The following MED4 variants were observed in gnomAD, a reference collection of about 807,000 sequenced individuals.
The protein encoded by MED4 is mediator of RNA polymerase II transcription subunit 4.
MED4 carries 21 observed loss-of-function variants against 35.0 expected under a neutral mutation model. The ratio of observed to expected loss-of-function variants is 0.60; its 90% CI spans 0.43 to 0.86. The LOEUF is 0.86. MED4 is among the 40% of genes least tolerant of loss of function. MED4 has a pLI of 0.00. For synonymous variants in MED4, 138 were observed against 114.0 expected (o/e 1.21, Z -1.34); for missense variants, 300 against 319.4 (o/e 0.94, Z 0.46).
Position 48,076,084 on chromosome 13 carries a change from A to G in MED4, c.*1055T>C, listed in dbSNP as rs1344819303. 6.6e-6 allele frequency: 1 copy of G among 152,236 alleles called. No homozygotes were observed. Among genetic ancestry groups the G allele is most frequent in the Non-Finnish European group, 1.5e-5 (1 of 68,032 alleles). 9.4% of individuals were successfully genotyped at this position (152,236 alleles called of 1,614,324 possible). A position where few individuals can be genotyped will look rare whatever the true frequency, so the allele number is the denominator to read the frequency against. ...GTGTATGTGAACTTTAAAAAAATCT[A>G]CACTACAATATGAATTGATATTATC... On this transcript the variant is annotated 3_prime_UTR_variant, in exon 7 of 7. Coordinates refer to ENST00000258648, the MANE Select transcript of MED4 (RefSeq NM_014166.4).
At chr13:48,079,454 C>T (rs1485447479) in intron 6 of MED4, among the ~76,000 whole-genome samples, 1 of 152,116 alleles carries the variant, frequency 6.6e-6, no homozygotes, top group Admixed American at 6.6e-5. Context: ...TGAACTGGGT[C>T]TGAGAGGCAG....
Position 48,083,396 on chromosome 13 carries a change from G to A in MED4, c.396C>T (p.Leu132=). 6.2e-7 allele frequency: 1 copy of A among 1,612,766 alleles called. No homozygotes were observed. Among genetic ancestry groups the A allele is most frequent in the South Asian group, 1.1e-5 (1 of 90,902 alleles). The change falls in exon 4 of 7, where the codon CTC becomes CTT. Residue 132 remains leucine (L), a synonymous_variant. Transcript: ENST00000258648. ...ATAVYQAKEK[L]KSIEKARKGA... ...CTTTTCTTGCTTTTTCTATTGACTT[G>A]AGTTTCTCCTTCGCTTGGTAAACAG...
chr13:48,081,715 T>C lies in MED4; in HGVS notation c.438A>G (p.Glu146=), dbSNP rs1308805042. Residue 146 remains glutamate (E), a synonymous_variant, in exon 5 of 7, where the codon GAA becomes GAG. Transcript: ENST00000258648. Reference sequence around the variant, plus strand: ...TCCTATGTGCATACTTAATTATTTCTTCAGAGGAGATAGCACCTGAAAGAG... The same window carrying C: ...TCCTATGTGCATACTTAATTATTTCCTCAGAGGAGATAGCACCTGAAAGAG... The part of the protein sequence containing the change: ...EKARKGAISS[E]EIIKYAHRIS... The C allele has an allele frequency of 1.9e-6, 3 of 1,610,758 alleles. No individual in the cohort carries two copies. Among genetic ancestry groups the C allele is most frequent in the East Asian group, 2.2e-5 (1 of 44,728 alleles).
intron 4 of MED4, among the ~76,000 whole-genome samples, chr13:48,082,410 G>A (rs1162446218): frequency 6.6e-6 from 1 of 152,162 alleles, no homozygotes. Flanking sequence ...AAGTGTATGT[G>A]TGTACAGTTT....
chr13:48,086,372 A>G lies in MED4; in HGVS notation c.273T>C (p.His91=), dbSNP rs904028904. The G allele has an allele frequency of 6.2e-7, 1 of 1,613,350 alleles. No individual in the cohort carries two copies. The highest frequency in any genetic ancestry group is 1.3e-5 in the African/African-American group (1 of 74,776). ...KLALNQGKIH[H]EMQVLEKEVE... ...CTTCTTTTTCTAAAACTTGCATTTC[A>G]TGATGAATTTTTCCCTGATTAAGTG... The change falls in exon 3 of 7, where the codon CAT becomes CAC. Residue 91 remains histidine (H), a synonymous_variant. Transcript: ENST00000258648.
chr13:48,092,808 G>A (rs1265889705), intron 1 of MED4, among the ~76,000 whole-genome samples: 1 of 152,214 alleles, frequency 6.6e-6, no homozygotes, highest in Non-Finnish European at 1.5e-5. Context: ...GGTGGGGCAG[G>A]AGTGGTGCTG....
chr13:48,080,414 A>G (rs796309858), intron 5 of MED4, among the ~76,000 whole-genome samples: 10 of 150,664 alleles, frequency 6.6e-5, no homozygotes, highest in East Asian at 3.9e-4. Flanking sequence ...AAAAAAAAAA[A>G]AAAAGAAAGA....
At chr13:48,084,592 G>A (rs1950836017) in intron 3 of MED4, among the ~76,000 whole-genome samples, 1 of 152,100 alleles carries the variant, frequency 6.6e-6, no homozygotes, top group Admixed American at 6.5e-5. Context: ...ACAATTATAT[G>A]AAAAATGCTT....
intron 1 of MED4, among the ~76,000 whole-genome samples, chr13:48,094,655 C>T (rs1187167625): frequency 1.3e-5 from 2 of 152,182 alleles, no homozygotes; most frequent in African/African-American, 2.4e-5. Flanking sequence ...CCTTCACTAC[C>T]GTCTCCCCAA....
chr13:48,094,798 G>C (rs959533873), intron 1 of MED4, among the ~76,000 whole-genome samples, 156 bp downstream of exon 1: 2 of 152,100 alleles, frequency 1.3e-5, no homozygotes, highest in Non-Finnish European at 2.9e-5. Flanking sequence ...GTGCCAGAGG[G>C]CTGCGGACCC....
intron 6 of MED4, 186 bp from the exon 7 acceptor site, chr13:48,077,497 C>T (rs1593540593): frequency 2.4e-6 from 1 of 424,364 alleles, no homozygotes; most frequent in Non-Finnish European, 4.1e-6. Context: ...TCACTGAAGC[C>T]CTGACCTAGG....
At chr13:48,094,631 G>A (rs909006041) in intron 1 of MED4, among the ~76,000 whole-genome samples, 2 of 152,084 alleles carry the variant, frequency 1.3e-5, no homozygotes, top group Non-Finnish European at 2.9e-5. Context: ...CTCGACAGCT[G>A]GCATCCAGTC....
At chr13:48,082,826 CAAA>C (rs66859292) in intron 4 of MED4, among the ~76,000 whole-genome samples, 2 of 136,116 alleles carry the variant, frequency 1.5e-5, no homozygotes, top group African/African-American at 2.6e-5. Flanking sequence ...GACTCCGTCT[CAAA>C]AAAAAAAAAA....
At chr13:48,082,053 C>G (rs1950812113) in intron 4 of MED4, among the ~76,000 whole-genome samples, 2 of 152,092 alleles carry the variant, frequency 1.3e-5, no homozygotes, top group African/African-American at 4.8e-5. Flanking sequence ...ATAGAGAAAA[C>G]AGTGTTTCAT....
chr13:48,082,216 T>C (rs903210595), intron 4 of MED4, among the ~76,000 whole-genome samples: 2 of 152,120 alleles, frequency 1.3e-5, no homozygotes, highest in Non-Finnish European at 2.9e-5. Flanking sequence ...CTAAATAATA[T>C]GTACGGTATG....
rs200483464 is a variant in MED4, at chr13:48,094,937, C to G, written c.125+17G>C. The G allele has an allele frequency of 2.5e-6, 4 of 1,600,936 alleles. No homozygotes were observed. In the Admixed American group the frequency reaches 6.7e-5, roughly 27 times the overall value. The stretch of plus-strand genomic sequence containing the variant: ...CCCGGCCCAGCTCCAGCCCGGCTCT[C>G]AGGCTCGCCGCATTACCTAGACAGG... On this transcript the variant is annotated intron_variant, in intron 1 of 6. Coordinates refer to ENST00000258648, the MANE Select transcript of MED4 (RefSeq NM_014166.4).
chr13:48,093,649 A>C (rs1467489850), intron 1 of MED4: 1 of 462,032 alleles, frequency 2.2e-6, no homozygotes, highest in Non-Finnish European at 4.5e-6. Context: ...TGGCCTCCCA[A>C]AGTGCTCGGA....
rs79530430 is a variant in MED4, at chr13:48,078,646, A to G, written c.640+1198T>C. On this transcript the variant is annotated intron_variant, in intron 6 of 6. Coordinates refer to ENST00000258648, the MANE Select transcript of MED4 (RefSeq NM_014166.4). ...CCCTCTCCAATGACAGCACCATGAT[A>G]TGAGAGTATCGGCCTTGGGATGGAG... Among the ~76,000 whole-genome samples, 698 of 152,270 alleles carry G rather than the reference A, an allele frequency of 4.6e-3. 39 individuals are homozygous for G. The East Asian group carries it at 0.1, about 23-fold the overall frequency.
At chr13:48,090,288 C>T (rs1950881361) in intron 2 of MED4, 64 bp downstream of exon 2, 1 of 1,286,906 alleles carries the variant, frequency 7.8e-7, no homozygotes, top group South Asian at 1.4e-5. Flanking sequence ...TTGCAGAAAT[C>T]AAGTTTTTTT....
Sources: allele counts gnomAD v4.1 joint callset (sites outside exome capture counted in the v4.1 genomes callset), GRCh38; gene constraint gnomAD v4.1.1; transcripts MANE v1.5; gene names NCBI Gene and HGNC (gene_info 2026-07-23, HGNC 2026-07-21).